LARGE1: variants seen among roughly 807,000 people sequenced by gnomAD.
LARGE1 encodes xylosyl- and glucuronyltransferase LARGE1.
In LARGE1, 43 loss-of-function variants were observed where a neutral mutation model predicts 87.6. That is an observed-to-expected ratio of 0.49 (90% CI 0.38 to 0.63). The LOEUF is 0.63. LARGE1 is among the 30% of genes least tolerant of loss of function. LARGE1 has a pLI of 0.00. For synonymous variants in LARGE1, 434 were observed against 394.6 expected (o/e 1.10, Z -1.18); for missense variants, 802 against 1,000.2 (o/e 0.80, Z 2.67).
At chr22:33,073,606 G>A in the LARGE1 span, among the ~76,000 whole-genome samples, 2 of 151,810 alleles carry the variant, frequency 1.3e-5, no homozygotes, top group African/African-American at 4.8e-5. Context: ...ACCCAACCCT[G>A]CAACTTTTAT....
At chr22:33,111,471 T>G in the LARGE1 span, among the ~76,000 whole-genome samples, 2 of 152,158 alleles carry the variant, frequency 1.3e-5, no homozygotes, top group African/African-American at 2.4e-5. Flanking sequence ...AGAAACCCAC[T>G]CTGCAGCTGG....
Position 33,375,116 on chromosome 22 carries a change from A to G in LARGE1, c.1131+6803T>C, listed in dbSNP as rs148933441. Reference sequence around the variant, plus strand: ...AAGCAGAACAAAAATAAATTGCATGAGATTAAGTAACTGATAATGTTTTTG... The same window carrying G: ...AAGCAGAACAAAAATAAATTGCATGGGATTAAGTAACTGATAATGTTTTTG... On this transcript the variant is annotated intron_variant, in intron 9 of 14. Coordinates refer to ENST00000397394, the MANE Select transcript of LARGE1 (RefSeq NM_133642.5). Among the ~76,000 whole-genome samples, 682 of 152,326 alleles carry G rather than the reference A, an allele frequency of 4.5e-3. 4 individuals carry two copies. The highest frequency in any genetic ancestry group is 0.016 in the African/African-American group (646 of 41,584).
At chr22:33,359,371 C>T (rs1367048864) in intron 9 of LARGE1, among the ~76,000 whole-genome samples, 1 of 152,056 alleles carries the variant, frequency 6.6e-6, no homozygotes, top group Non-Finnish European at 1.5e-5. Context: ...AAAAGATTTA[C>T]CTTGTGAGAC....
chr22:33,189,837 G>C (rs894999953), intron 11 of LARGE1, among the ~76,000 whole-genome samples: 2 of 152,170 alleles, frequency 1.3e-5, no homozygotes, highest in Non-Finnish European at 2.9e-5. Flanking sequence ...AGAGTTAGGA[G>C]TCGAAGGTAA....
chr22:33,918,373 G>A (rs1601916170), intron 1 of LARGE1, among the ~76,000 whole-genome samples: 1 of 152,130 alleles, frequency 6.6e-6, no homozygotes, highest in Non-Finnish European at 1.5e-5. Context: ...TCCTTTCCTC[G>A]CCACTCTTGA....
At chr22:33,921,174 G>C (rs936221505), upstream of LARGE1, among the ~76,000 whole-genome samples, 1 of 151,874 alleles carries the variant, frequency 6.6e-6, no homozygotes, top group Admixed American at 6.5e-5. The surrounding 1 kb of genome is among the most constrained non-coding windows in gnomAD (Gnocchi z 4.1). Context: ...GTTCGCCCCC[G>C]CACAGGCTCC....
chr22:33,709,173 C>T (rs2082651329), intron 2 of LARGE1, among the ~76,000 whole-genome samples: 2 of 152,142 alleles, frequency 1.3e-5, no homozygotes, highest in South Asian at 4.1e-4. Flanking sequence ...ACAGTCATTA[C>T]CACTTTTATA....
At chr22:33,239,041 A>C (rs1723999003) in intron 11 of LARGE1, among the ~76,000 whole-genome samples, 1 of 152,050 alleles carries the variant, frequency 6.6e-6, no homozygotes, top group Non-Finnish European at 1.5e-5. Context: ...AAAACAAATA[A>C]ATTAAAACTT....
At position 33,840,818 on chromosome 22, in the gene LARGE1, T is replaced by C. The variant is rs571303841; in HGVS notation, c.-83+79177A>G. Among the ~76,000 whole-genome samples, 9 of 152,280 alleles carry C rather than the reference T, an allele frequency of 5.9e-5. No homozygotes were observed. In the South Asian group the frequency reaches 1.2e-3, roughly 21 times the overall value. On this transcript the variant is annotated intron_variant, in intron 1 of 14. Coordinates refer to ENST00000397394, the MANE Select transcript of LARGE1 (RefSeq NM_133642.5). ...TTCTAGTTTTTATACAGACAAGGTT[T>C]CGTCACGTTGCCCAGGCTGGTCTCG...
At chr22:33,245,687 T>C (rs1490379323) in intron 11 of LARGE1, among the ~76,000 whole-genome samples, 1 of 152,224 alleles carries the variant, frequency 6.6e-6, no homozygotes, top group African/African-American at 2.4e-5. Context: ...GGTGCACAGA[T>C]CACCTGAGGT....
intron 1 of LARGE1, among the ~76,000 whole-genome samples, chr22:33,874,369 G>T (rs1281817122): frequency 1.3e-5 from 2 of 152,112 alleles, no homozygotes; most frequent in Non-Finnish European, 2.9e-5. Context: ...CCTCTTCCAG[G>T]AGCACATCAG....
chr22:33,766,566 A>G (rs1239032623), intron 1 of LARGE1, among the ~76,000 whole-genome samples: 3 of 152,094 alleles, frequency 2.0e-5, no homozygotes, highest in Non-Finnish European at 4.4e-5. Context: ...CTGGGATTAC[A>G]GGTGCCAGGC....
intron 7 of LARGE1, among the ~76,000 whole-genome samples, chr22:33,411,541 G>C (rs2066304800): frequency 6.6e-6 from 1 of 152,124 alleles, no homozygotes; most frequent in Non-Finnish European, 1.5e-5. Context: ...ATTGTAAACT[G>C]ACACATTTGG....
chr22:33,168,170 A>T lies in LARGE1; in HGVS notation c.1731-1338T>A, dbSNP rs573084802. 1.6e-3 allele frequency among the ~76,000 whole-genome samples: 251 copies of T among 152,302 alleles called. 1 individual carries two copies. Among genetic ancestry groups the T allele is most frequent in the African/African-American group, 5.6e-3 (233 of 41,568 alleles). ...AAACAGTACAATATTGCCTCTTCAG[A>T]TATTTACCCCTGGTACAACCAGCTG... On this transcript the variant is annotated intron_variant, in intron 11 of 11. Transcript: ENST00000608642.
chr22:33,756,905 C>T (rs1482933572), intron 2 of LARGE1, among the ~76,000 whole-genome samples: 6 of 152,048 alleles, frequency 3.9e-5, no homozygotes. Flanking sequence ...AGGTGGCAAC[C>T]GAGACACGGA....
chr22:33,221,533 T>G (rs1439491088), intron 11 of LARGE1: 2 of 152,232 alleles, frequency 1.3e-5, no homozygotes, highest in African/African-American at 4.8e-5. Flanking sequence ...AAATTTGCAT[T>G]TATTTCAATA....
chr22:33,086,549 C>CTTTTTTT, the LARGE1 span, among the ~76,000 whole-genome samples: 2 of 108,440 alleles, frequency 1.8e-5, no homozygotes, highest in South Asian at 3.3e-4. Flanking sequence ...AGTTCTTCTA[C>CTTTTTTT]TTTTTTTTTT....
intron 1 of LARGE1, among the ~76,000 whole-genome samples, chr22:33,847,230 T>C (rs1270400616): frequency 6.6e-6 from 1 of 152,182 alleles, no homozygotes; most frequent in Non-Finnish European, 1.5e-5. Flanking sequence ...CCCGATAAAG[T>C]TCCATCAAGA....
chr22:33,450,726 A>C (rs2067880004), intron 6 of LARGE1, among the ~76,000 whole-genome samples: 1 of 152,212 alleles, frequency 6.6e-6, no homozygotes. Flanking sequence ...TAACTGATGA[A>C]ACTGACTTGC....
Sources: gnomAD v4.1 joint callset for allele counts (sites outside exome capture counted in the v4.1 genomes callset) on GRCh38, gnomAD v4.1.1 for gene constraint, Gnocchi (gnomAD v3.1) non-coding constraint, MANE v1.5 for transcripts, NCBI Gene and HGNC (gene_info 2026-07-23, HGNC 2026-07-21) for gene names.